Variants in CD109 observed in about 807,000 individuals in gnomAD.
The protein encoded by CD109 is CD109 molecule.
Under a neutral mutation model 165.8 loss-of-function variants are expected in CD109, and 149 were observed. The ratio of observed to expected loss-of-function variants is 0.90; its 90% CI spans 0.79 to 1.03. CD109 has a LOEUF of 1.03. Ranked by LOEUF, CD109 falls within the 50% of genes least tolerant of loss-of-function variation. CD109 has a pLI of 0.00. For missense variants in CD109, 1,712 were observed against 1,677.8 expected, an observed-to-expected ratio of 1.02 and a Z score of -0.36; for synonymous variants, 585 against 592.1, an observed-to-expected ratio of 0.99 and a Z score of 0.18.
chr6:73,774,698 A>G (rs1774174075), intron 15 of CD109, among the ~76,000 whole-genome samples: 1 of 152,144 alleles, frequency 6.6e-6, no homozygotes, highest in African/African-American at 2.4e-5. Context: ...GGAGGGAAAT[A>G]AGAGCAAAGT....
At chr6:73,692,956 C>T (rs1489673109), upstream of CD109, among the ~76,000 whole-genome samples, 1 of 152,076 alleles carries the variant, frequency 6.6e-6, no homozygotes, top group Admixed American at 6.5e-5. Flanking sequence ...TCTTTATTAG[C>T]AGGGTGAGAA....
chr6:73,816,382 G>A (rs1212518828), intron 30 of CD109, among the ~76,000 whole-genome samples: 4 of 152,046 alleles, frequency 2.6e-5, no homozygotes, highest in African/African-American at 9.7e-5. Context: ...TATATGCCAG[G>A]CACGGCACCA....
Position 73,792,892 on chromosome 6 carries a change from G to A in CD109, c.2878+90G>A, listed in dbSNP as rs1275019065. 1.2e-5 allele frequency: 12 copies of A among 981,000 alleles called. No homozygotes were observed. In the Admixed American group the frequency reaches 1.6e-4, roughly 13 times the overall value. The allele number at this position is 981,000 out of a possible 1,614,324, so 60.8% of individuals were successfully genotyped here. A position where few individuals can be genotyped will look rare whatever the true frequency, so the allele number is the denominator to read the frequency against. ...TTCTAGACCATATTTCAAAATAGAT[G>A]GATTTTGTCTTAGGTAAGTGATGGG... On this transcript the variant is annotated intron_variant, in intron 23 of 32. Coordinates refer to ENST00000287097, the MANE Select transcript of CD109 (RefSeq NM_133493.5).
chr6:73,730,232 G>A lies in CD109; in HGVS notation c.277-112G>A, dbSNP rs572742980. The A allele has an allele frequency of 5.4e-5, 37 of 690,410 alleles. 1 individual carries two copies. The South Asian group carries it at 5.4e-4, about 10-fold the overall frequency. 42.8% of individuals were successfully genotyped at this position (690,410 alleles called of 1,614,324 possible). On this transcript the variant is annotated intron_variant, in intron 3 of 32. Transcript: ENST00000287097. ...CTGGGAGGGGCAAATTTTCAACATC[G>A]CAGTTACTTTTGATAATACTGTGTA...
At position 73,771,503 on chromosome 6, in the gene CD109, T is replaced by A; in HGVS notation, c.1749T>A (p.Pro583=). 6.2e-7 allele frequency: 1 copy of A among 1,611,348 alleles called. No individual in the cohort carries two copies. Among genetic ancestry groups the A allele is most frequent in the South Asian group, 1.1e-5 (1 of 90,494 alleles). The change falls in exon 15 of 33, where the codon CCT becomes CCA. Residue 583 remains proline, a synonymous_variant. Transcript: ENST00000287097. ...CTCTTAGGATCTCTGTGACACAGCCTGACTCCATAGTTGGGATTGTAGCTG... is the reference window on the plus strand; with the variant it reads ...CTCTTAGGATCTCTGTGACACAGCCAGACTCCATAGTTGGGATTGTAGCTG... ...KVSLRISVTQ[P]DSIVGIVAVD...
At chr6:73,749,849 T>G (rs1008547939) in intron 5 of CD109, among the ~76,000 whole-genome samples, 13 of 152,312 alleles carry the variant, frequency 8.5e-5, no homozygotes, top group African/African-American at 3.1e-4. Context: ...TCTTATTGCT[T>G]TAGTAGAAAG....
chr6:73,696,181 G>A (rs545781508), upstream of CD109: 3 of 1,539,566 alleles, frequency 1.9e-6, no homozygotes, highest in South Asian at 2.4e-5. Context: ...GAACTTCCCC[G>A]GCAGCGGACT....
rs145053302 is a variant in CD109, at chr6:73,714,213, C to T, written c.248-9038C>T. ...TCTTTAGGGATGAAGGACTTTTTCC[C>T]GAAAGCTGCTAGGAGTGTTGTGCCC... On this transcript the variant is annotated intron_variant, in intron 2 of 32. Transcript: ENST00000287097. Among the ~76,000 whole-genome samples, 39 of 152,248 alleles carry T rather than the reference C, an allele frequency of 2.6e-4. No homozygotes were observed. The East Asian group carries it at 4.6e-3, about 18-fold the overall frequency.
chr6:73,802,163 C>T (rs1775377915), intron 23 of CD109, among the ~76,000 whole-genome samples: 1 of 151,606 alleles, frequency 6.6e-6, no homozygotes, highest in South Asian at 2.1e-4. Flanking sequence ...AAATATGACA[C>T]ATTTGCTTTT....
rs1396221036 is a variant in CD109 at position 73,824,497 on chromosome 6, C to CA, written c.*868dup. 4 of 152,182 alleles carry CA rather than the reference C, an allele frequency of 2.6e-5. No homozygotes were observed. Among genetic ancestry groups the CA allele is most frequent in the African/African-American group, 9.7e-5 (4 of 41,416 alleles). 9.4% of individuals were successfully genotyped at this position (152,182 alleles called of 1,614,324 possible). A position where few individuals can be genotyped will look rare whatever the true frequency, so the allele number is the denominator to read the frequency against. ...GAGACACTGTGAGCCAGGGATACAACAAAATACTAGGTAAGTCACTGCAGA... is the reference window on the plus strand; with the variant it reads ...GAGACACTGTGAGCCAGGGATACAACAAAAATACTAGGTAAGTCACTGCAGA... On this transcript the variant is annotated 3_prime_UTR_variant, in exon 33 of 33. Coordinates refer to ENST00000287097, the MANE Select transcript of CD109 (RefSeq NM_133493.5).
the CD109 span, among the ~76,000 whole-genome samples, chr6:73,684,486 G>C: frequency 6.6e-6 from 1 of 152,034 alleles, no homozygotes; most frequent in Non-Finnish European, 1.5e-5. Flanking sequence ...CTCCCAAAGT[G>C]CTGGGATTAT....
At chr6:73,714,394 A>G (rs1771646732) in intron 2 of CD109, among the ~76,000 whole-genome samples, 2 of 152,176 alleles carry the variant, frequency 1.3e-5, no homozygotes, top group African/African-American at 4.8e-5. Flanking sequence ...GACAACTCTC[A>G]CTGGCCCTGA....
intron 15 of CD109, among the ~76,000 whole-genome samples, chr6:73,777,481 T>G (rs932593961): frequency 1.3e-5 from 2 of 152,120 alleles, no homozygotes; most frequent in African/African-American, 4.8e-5. Flanking sequence ...TTTTGAAATC[T>G]TTGGCTGTTC....
Position 73,785,350 on chromosome 6 carries a change from T to G in CD109, c.2224-14T>G. 7.2e-7 allele frequency: 1 copy of G among 1,395,922 alleles called. No homozygotes were observed. Among genetic ancestry groups the G allele is most frequent in the Non-Finnish European group, 1.0e-6 (1 of 986,932 alleles). The allele number at this position is 1,395,922 out of a possible 1,614,324, so 86.5% of individuals were successfully genotyped here. A position where few individuals can be genotyped will look rare whatever the true frequency, so the allele number is the denominator to read the frequency against. On this transcript the variant is annotated splice_polypyrimidine_tract_variant and intron_variant, in intron 19 of 32. Transcript: ENST00000287097. ...GACCTGAATAAAAATATGTACTCGT[T>G]GTGTTCTTTCCAGCTCCAAGCCTTC...
chr6:73,689,720 C>T, the CD109 span, among the ~76,000 whole-genome samples: 6 of 151,816 alleles, frequency 4.0e-5, no homozygotes, highest in Non-Finnish European at 7.4e-5. Context: ...CATCTGTGCT[C>T]TTTTCAAGTA....
chr6:73,811,342 G>A (rs1775753462), intron 28 of CD109, among the ~76,000 whole-genome samples, 195 bp downstream of exon 28: 1 of 151,988 alleles, frequency 6.6e-6, no homozygotes, highest in Admixed American at 6.6e-5. Flanking sequence ...AAGATTGGTG[G>A]AACAGGAGAA....
At chr6:73,751,940 G>A (rs895974808) in intron 5 of CD109, among the ~76,000 whole-genome samples, 1 of 152,208 alleles carries the variant, frequency 6.6e-6, no homozygotes, top group Non-Finnish European at 1.5e-5. Context: ...TGTGGAAGGT[G>A]GACATAGTTG....
At chr6:73,701,109 CTTT>C (rs138353822) in intron 2 of CD109, among the ~76,000 whole-genome samples, 5 of 129,224 alleles carry the variant, frequency 3.9e-5, no homozygotes, top group Non-Finnish European at 6.7e-5. Flanking sequence ...CGATTATGGG[CTTT>C]TTTTTTTTTT....
intron 2 of CD109, chr6:73,723,050 C>A (rs1772018217): frequency 2.4e-6 from 2 of 843,416 alleles, no homozygotes; most frequent in African/African-American, 1.8e-5. Context: ...CCCTTTTAAT[C>A]CTGATTTTTA....
Sources: gnomAD v4.1 joint callset for allele counts (sites outside exome capture counted in the v4.1 genomes callset) on GRCh38, gnomAD v4.1.1 for gene constraint, MANE v1.5 for transcripts, NCBI Gene and HGNC (gene_info 2026-07-23, HGNC 2026-07-21) for gene names.